DACH1: variants seen among roughly 807,000 people sequenced by gnomAD.
DACH1 encodes dachshund family transcription factor 1.
Under a neutral mutation model 54.2 loss-of-function variants are expected in DACH1, and 12 were observed. The ratio of observed to expected loss-of-function variants is 0.22; its 90% CI spans 0.14 to 0.36. DACH1 has a LOEUF of 0.36. Ranked by LOEUF, DACH1 falls within the 10% of genes least tolerant of loss-of-function variation. The pLI is 1.00. For missense variants in DACH1, 805 were observed against 929.8 expected (o/e 0.87, Z 1.75); for synonymous variants, 386 against 366.2 (o/e 1.05, Z -0.62).
chr13:71,493,631 C>T (rs144421572), intron 6 of DACH1, among the ~76,000 whole-genome samples: 61 of 152,146 alleles, frequency 4.0e-4, no homozygotes, highest in African/African-American at 1.1e-3. Context: ...CTGCTTTGGA[C>T]GTGGAACAAC....
At chr13:71,706,266 T>G (rs1462330739) in intron 1 of DACH1, among the ~76,000 whole-genome samples, 1 of 151,458 alleles carries the variant, frequency 6.6e-6, no homozygotes, top group Non-Finnish European at 1.5e-5. Flanking sequence ...ATATTATTAA[T>G]CTTTATATTA....
At chr13:71,544,697 A>G (rs1356632969) in intron 6 of DACH1, among the ~76,000 whole-genome samples, 1 of 152,132 alleles carries the variant, frequency 6.6e-6, no homozygotes, top group Admixed American at 6.6e-5. Flanking sequence ...AACACACTGC[A>G]GTATGATAGT....
chr13:71,464,650 T>C (rs1374836427), intron 10 of DACH1: 2 of 449,944 alleles, frequency 4.4e-6, no homozygotes, highest in African/African-American at 2.0e-5. Flanking sequence ...AAGGGAACCA[T>C]TAATTACTGC....
At chr13:71,595,166 G>C (rs1365156343) in intron 3 of DACH1, among the ~76,000 whole-genome samples, 1 of 152,102 alleles carries the variant, frequency 6.6e-6, no homozygotes, top group East Asian at 1.9e-4. Flanking sequence ...ACAATGCATA[G>C]ACTCTAAGGC....
intron 4 of DACH1, among the ~76,000 whole-genome samples, chr13:71,567,197 C>T (rs929597158): frequency 9.9e-5 from 15 of 151,718 alleles, no homozygotes; most frequent in South Asian, 2.1e-4. Flanking sequence ...AGAAAATTAA[C>T]GAATTTAAGT....
At chr13:71,682,018 CG>C in intron 1 of DACH1, 108 bp from the exon 2 acceptor site, 2 of 614,452 alleles carry the variant, frequency 3.3e-6, no homozygotes. Flanking sequence ...GTTTCAAGGA[CG>C]GTTGCTTTTG....
At chr13:71,741,969 G>C (rs1358604492) in intron 1 of DACH1, among the ~76,000 whole-genome samples, 2 of 152,108 alleles carry the variant, frequency 1.3e-5, no homozygotes, top group African/African-American at 4.8e-5. Flanking sequence ...ATTTCAACTT[G>C]AATTGTATCT....
At chr13:71,837,210 T>C (rs942943587) in intron 1 of DACH1, among the ~76,000 whole-genome samples, 1 of 152,098 alleles carries the variant, frequency 6.6e-6, no homozygotes, top group South Asian at 2.1e-4. Flanking sequence ...TATTTTAAGC[T>C]AGATCTATGC....
At chr13:71,672,286 C>A (rs1880250752) in intron 2 of DACH1, among the ~76,000 whole-genome samples, 1 of 152,076 alleles carries the variant, frequency 6.6e-6, no homozygotes, top group African/African-American at 2.4e-5. Context: ...TAAATCAGTT[C>A]TTAAGTTAAT....
chr13:71,785,294 C>G (rs1331776428), intron 1 of DACH1, among the ~76,000 whole-genome samples: 2 of 152,204 alleles, frequency 1.3e-5, no homozygotes, highest in Non-Finnish European at 2.9e-5. Flanking sequence ...CTCTGTGTCA[C>G]CTGCTAGTTA....
rs111883499 is a variant in DACH1, at chr13:71,675,243, ACTT to A, written c.964+6549_964+6551del. 0.029 allele frequency: 45,854 copies of A among 1,580,358 alleles called. 4,157 individuals carry two copies. The African/African-American group carries it at 0.32, about 11-fold the overall frequency. The stretch of plus-strand genomic sequence containing the variant: ...TTAGACGTTATCAGAAGTCCACTGA[ACTT>A]CTGATTCGCAGACTTCCCTTCCAGA... On this transcript the variant is annotated intron_variant, in intron 2 of 10. Coordinates refer to ENST00000613252, the MANE Select transcript of DACH1 (RefSeq NM_080759.6).
chr13:71,732,919 CTA>C (rs1883816709), intron 1 of DACH1, among the ~76,000 whole-genome samples: 1 of 152,138 alleles, frequency 6.6e-6, no homozygotes, highest in Non-Finnish European at 1.5e-5. Flanking sequence ...CAAACTCACT[CTA>C]ACATCTTCTA....
intron 3 of DACH1, among the ~76,000 whole-genome samples, chr13:71,591,154 C>T (rs546017965): frequency 3.9e-5 from 6 of 152,086 alleles, no homozygotes; most frequent in Non-Finnish European, 8.8e-5. Context: ...GCTAGGATTA[C>T]AGGCATGAGC....
Position 71,559,973 on chromosome 13 carries a change from G to A in DACH1, c.1300-18C>T. On this transcript the variant is annotated intron_variant, in intron 4 of 10. Transcript: ENST00000613252. ...ACACGCTCCTGCACCAGCAAGAGAG[G>A]GAAGGAGGGTAGAAAAGATGTTAAA... The A allele has an allele frequency of 6.7e-7, 1 of 1,499,682 alleles. No homozygotes were observed. Among genetic ancestry groups the A allele is most frequent in the African/African-American group, 1.4e-5 (1 of 70,644 alleles). The allele number at this position is 1,499,682 out of a possible 1,614,324, so 92.9% of individuals were successfully genotyped here.
chr13:71,671,826 T>C (rs1282591606), intron 2 of DACH1, among the ~76,000 whole-genome samples: 2 of 152,128 alleles, frequency 1.3e-5, no homozygotes, highest in Non-Finnish European at 2.9e-5. Context: ...TAGTAATACA[T>C]TCCACTTTCT....
At chr13:71,843,069 GTTA>G (rs1872985071) in intron 1 of DACH1, among the ~76,000 whole-genome samples, 1 of 152,032 alleles carries the variant, frequency 6.6e-6, no homozygotes, top group Non-Finnish European at 1.5e-5. Context: ...TTATCTGAAT[GTTA>G]TTTTTATTTT....
intron 2 of DACH1, among the ~76,000 whole-genome samples, chr13:71,679,483 G>T (rs1405790342): frequency 6.6e-6 from 1 of 151,766 alleles, no homozygotes; most frequent in Non-Finnish European, 1.5e-5. Flanking sequence ...ATTATAATAT[G>T]AATACAATCT....
rs140038178 is a variant in DACH1, at chr13:71,502,487, G to A, written c.1571-13339C>T. Among the ~76,000 whole-genome samples the A allele has an allele frequency of 4.8e-3, 724 of 152,158 alleles. 4 individuals are homozygous for A. The highest frequency in any genetic ancestry group is 7.5e-3 in the Non-Finnish European group (511 of 68,006). ...CAACAAGGTCTATACTTCCCTTGTC[G>A]GAGCTGTTTAACCATGAAAGTACTA... On this transcript the variant is annotated intron_variant, in intron 6 of 10. Coordinates refer to ENST00000613252, the MANE Select transcript of DACH1 (RefSeq NM_080759.6).
At chr13:71,672,355 A>G (rs1217666225) in intron 2 of DACH1, among the ~76,000 whole-genome samples, 1 of 152,162 alleles carries the variant, frequency 6.6e-6, no homozygotes, top group Non-Finnish European at 1.5e-5. Context: ...TATAAACACT[A>G]TGATCTTTCT....
Sources: gnomAD v4.1 joint callset for allele counts (sites outside exome capture counted in the v4.1 genomes callset) on GRCh38, gnomAD v4.1.1 for gene constraint, MANE v1.5 for transcripts, NCBI Gene and HGNC (gene_info 2026-07-23, HGNC 2026-07-21) for gene names.